Variants in ZFHX3 observed in about 807,000 individuals in gnomAD.
ZFHX3 encodes zinc finger homeobox 3, also known as zinc finger homeobox protein 3.
In ZFHX3, 42 loss-of-function variants were observed where a neutral mutation model predicts 279.1. That is an observed-to-expected ratio of 0.15 (90% CI 0.12 to 0.19). The LOEUF (loss-of-function observed/expected upper bound fraction) is 0.19. Among genes scored for constraint, ZFHX3 ranks in the 10% least tolerant of loss-of-function variants. The probability of loss-of-function intolerance (pLI) is 1.00; values close to 1 mark genes in which losing one functional copy is unlikely to be tolerated. For synonymous variants in ZFHX3, 2,293 were observed against 1,957.8 expected, an observed-to-expected ratio of 1.17 and a Z score of -4.52; for missense variants, 4,981 against 4,754.0, an observed-to-expected ratio of 1.05 and a Z score of -1.40.
intron 9 of ZFHX3, among the ~76,000 whole-genome samples, chr16:72,792,213 AC>A (rs1329484779): frequency 6.6e-6 from 1 of 152,244 alleles, no homozygotes; most frequent in African/African-American, 2.4e-5. Flanking sequence ...TATAAGAGCA[AC>A]AAATATGTAT....
chr16:73,140,071 AGCTTGG>A (rs777553730), intron 6 of ZFHX3, among the ~76,000 whole-genome samples: 8 of 152,130 alleles, frequency 5.3e-5, no homozygotes, highest in Non-Finnish European at 8.8e-5. Context: ...GTTTGAGACC[AGCTTGG>A]GCAACATAGT....
At chr16:72,922,370 T>TG (rs2039607015) in intron 3 of ZFHX3, among the ~76,000 whole-genome samples, 1 of 152,150 alleles carries the variant, frequency 6.6e-6, no homozygotes. Flanking sequence ...ACAAACAACC[T>TG]TCCCTTTGGC....
chr16:73,523,620 GGTT>G (rs1448467197), intron 2 of ZFHX3, among the ~76,000 whole-genome samples: 3 of 91,590 alleles, frequency 3.3e-5, no homozygotes, highest in Admixed American at 1.3e-4. Context: ...ATGGAAGCTG[GGTT>G]TTTTTTTTTT....
At chr16:73,235,602 G>C (rs1323285393) in intron 5 of ZFHX3, among the ~76,000 whole-genome samples, 1 of 152,160 alleles carries the variant, frequency 6.6e-6, no homozygotes, top group Non-Finnish European at 1.5e-5. Context: ...AATAAAAGTT[G>C]TGCCATGTGT....
intron 4 of ZFHX3, among the ~76,000 whole-genome samples, chr16:72,866,425 T>C (rs1271160782): frequency 1.3e-5 from 2 of 152,154 alleles, no homozygotes; most frequent in Non-Finnish European, 2.9e-5. Context: ...GAAACAAACA[T>C]GTAGACATTT....
intron 1 of ZFHX3, among the ~76,000 whole-genome samples, chr16:73,725,006 G>T (rs1171112798): frequency 6.6e-6 from 1 of 152,088 alleles, no homozygotes; most frequent in Non-Finnish European, 1.5e-5. Flanking sequence ...GTCTGTAATG[G>T]GATTAGAGCA....
intron 5 of ZFHX3, among the ~76,000 whole-genome samples, chr16:72,824,221 G>A (rs766387026): frequency 9.2e-5 from 14 of 152,076 alleles, no homozygotes; most frequent in Non-Finnish European, 1.9e-4. Context: ...TGTCAAATCC[G>A]ATTGGAATCA....
chr16:73,393,850 A>G (rs1046243418), intron 3 of ZFHX3, among the ~76,000 whole-genome samples: 1 of 150,242 alleles, frequency 6.7e-6, no homozygotes, highest in African/African-American at 2.4e-5. Context: ...CTGTATGCCA[A>G]CACTACAGAT....
chr16:73,222,271 T>A (rs543442778), intron 5 of ZFHX3, among the ~76,000 whole-genome samples: 3 of 152,220 alleles, frequency 2.0e-5, no homozygotes, highest in African/African-American at 7.2e-5. Flanking sequence ...TTACTTTGCC[T>A]TATATCATAA....
chr16:73,044,320 T>C (rs1017786170), intron 1 of ZFHX3, among the ~76,000 whole-genome samples: 7 of 152,258 alleles, frequency 4.6e-5, no homozygotes, highest in Admixed American at 2.6e-4. Context: ...TCCTGGTTAA[T>C]TGCACCAGCC....
intron 1 of ZFHX3, among the ~76,000 whole-genome samples, chr16:73,755,663 C>T (rs917604116): frequency 1.6e-4 from 24 of 152,276 alleles, no homozygotes; most frequent in African/African-American, 5.3e-4. Flanking sequence ...TCACAGTCGG[C>T]CCAAGCCTCT....
chr16:73,556,842 TC>T (rs1404988966), intron 2 of ZFHX3, among the ~76,000 whole-genome samples: 3 of 151,704 alleles, frequency 2.0e-5, no homozygotes, highest in South Asian at 2.1e-4. Flanking sequence ...ATGCCTGTAA[TC>T]CCAGCACTTT....
chr16:73,852,159 C>T (rs1961608077), intron 1 of ZFHX3, among the ~76,000 whole-genome samples: 1 of 152,138 alleles, frequency 6.6e-6, no homozygotes, highest in Non-Finnish European at 1.5e-5. Flanking sequence ...AATGCAACTG[C>T]CAGGTAAGTC....
chr16:73,849,919 G>A (rs1379409850), intron 1 of ZFHX3, among the ~76,000 whole-genome samples: 3 of 152,118 alleles, frequency 2.0e-5, no homozygotes, highest in Non-Finnish European at 4.4e-5. Flanking sequence ...TTTTAGTAGA[G>A]GCGGGGTTTC....
intron 2 of ZFHX3, among the ~76,000 whole-genome samples, chr16:73,527,298 G>T (rs2019712737): frequency 6.6e-6 from 1 of 152,104 alleles, no homozygotes; most frequent in South Asian, 2.1e-4. Context: ...CCAGCAAGAG[G>T]CCCCATTTAC....
At chr16:73,034,288 A>G (rs1436279193) in intron 1 of ZFHX3, among the ~76,000 whole-genome samples, 1 of 152,146 alleles carries the variant, frequency 6.6e-6, no homozygotes, top group Non-Finnish European at 1.5e-5. Flanking sequence ...AAGGCAAGAA[A>G]GCAGAAATCC....
At chr16:73,458,970 T>C (rs1237149804) in intron 2 of ZFHX3, among the ~76,000 whole-genome samples, 1 of 152,056 alleles carries the variant, frequency 6.6e-6, no homozygotes, top group African/African-American at 2.4e-5. Context: ...ATTACTGGAG[T>C]TAATGAAACT....
chr16:73,165,200 T>C (rs1967330914), intron 5 of ZFHX3, among the ~76,000 whole-genome samples: 1 of 152,106 alleles, frequency 6.6e-6, no homozygotes, highest in African/African-American at 2.4e-5. Flanking sequence ...GCAGGAGGAA[T>C]GCAAGGTCCA....
At chr16:73,718,546 C>A (rs925833542) in intron 1 of ZFHX3, among the ~76,000 whole-genome samples, 1 of 152,184 alleles carries the variant, frequency 6.6e-6, no homozygotes, top group Non-Finnish European at 1.5e-5. Flanking sequence ...CTGGAATTCA[C>A]ATGGTGCTAC....
Sources: allele counts gnomAD v4.1 joint callset (sites outside exome capture counted in the v4.1 genomes callset), GRCh38; gene constraint gnomAD v4.1.1; transcripts MANE v1.5; gene names NCBI Gene and HGNC (gene_info 2026-07-23, HGNC 2026-07-21).